Variants in GCDH observed in about 807,000 individuals in gnomAD.
The protein encoded by GCDH is glutaryl-CoA dehydrogenase.
In GCDH, 31 loss-of-function variants were observed where a neutral mutation model predicts 52.8. The ratio of observed to expected loss-of-function variants is 0.59; its 90% CI spans 0.44 to 0.79. The LOEUF (loss-of-function observed/expected upper bound fraction) is 0.79, where lower values mean the gene tolerates loss of function less well. Among genes scored for constraint, GCDH ranks in the 30% least tolerant of loss-of-function variants. The probability of loss-of-function intolerance (pLI) is 0.00; values close to 1 mark genes in which losing one functional copy is unlikely to be tolerated. For synonymous variants in GCDH, 242 were observed against 250.0 expected, an observed-to-expected ratio of 0.97 and a Z score of 0.30; for missense variants, 509 against 595.0, an observed-to-expected ratio of 0.86 and a Z score of 1.50.
intron 10 of GCDH, 115 bp downstream of exon 10, chr19:12,897,543 C>A: frequency 6.9e-7 from 1 of 1,445,058 alleles, no homozygotes; most frequent in Non-Finnish European, 9.7e-7. Flanking sequence ...GAACCTTCTG[C>A]TGTCCCTCTT....
chr19:12,899,991 T>G lies in GCDH; in HGVS notation c.*450T>G, dbSNP rs775491315. 6.2e-7 allele frequency: 1 copy of G among 1,613,010 alleles called. No homozygotes were observed. Among genetic ancestry groups the G allele is most frequent in the Non-Finnish European group, 8.5e-7 (1 of 1,179,958 alleles). ...CTGACCCCAAGGTGTCAGGCCGGTT[T>G]ACTGGTAACCACCTGAGAAGTAGTT... On this transcript the variant is annotated 3_prime_UTR_variant, in exon 12 of 12. Coordinates refer to ENST00000222214, the MANE Select transcript of GCDH (RefSeq NM_000159.4).
chr19:12,894,349 G>A, intron 6 of GCDH: 2 of 768,974 alleles, frequency 2.6e-6, no homozygotes, highest in Non-Finnish European at 2.4e-6. Context: ...CCATGGCCGT[G>A]TCCACTTGCT....
intron 11 of GCDH, chr19:12,898,120 G>C: frequency 1.9e-6 from 1 of 519,280 alleles, no homozygotes. Context: ...ACATGCTCGG[G>C]AGGAGGGATG....
chr19:12,894,302 A>G (rs890238426), intron 6 of GCDH: 1 of 819,032 alleles, frequency 1.2e-6, no homozygotes, highest in Middle Eastern at 2.2e-4. Context: ...GGTGGGAACA[A>G]TAAACAAGGT....
chr19:12,896,364 C>T lies in GCDH; in HGVS notation c.795C>T (p.Ile265=), dbSNP rs773979530. 4 of 1,614,134 alleles carry T rather than the reference C, an allele frequency of 2.5e-6. No homozygotes were observed. In the South Asian group the frequency reaches 3.3e-5, roughly 13 times the overall value. ...SLRASATGMI[I]MDGVEVPEEN... ...GGGCCTCAGCCACAGGCATGATCATCATGGACGGTGTGGAGGTGCCAGAGG... is the reference window on the plus strand; with the variant it reads ...GGGCCTCAGCCACAGGCATGATCATTATGGACGGTGTGGAGGTGCCAGAGG... The change falls in exon 8 of 12, where the codon ATC becomes ATT. Residue 265 remains isoleucine, a synonymous_variant. Coordinates refer to ENST00000222214, the MANE Select transcript of GCDH (RefSeq NM_000159.4). This position sits in a 1 kb window ranked among gnomAD's most constrained non-coding sequence, Gnocchi z 5.5.
rs1403429553 is a variant in GCDH, at chr19:12,891,841, C to G, written c.138C>G (p.Pro46=). 4.3e-6 allele frequency: 7 copies of G among 1,614,072 alleles called. No homozygotes were observed. The highest frequency in any genetic ancestry group is 2.2e-5 in the East Asian group (1 of 44,868). ...TQSQLAKSSR[P]EFDWQDPLVL... is the part of the protein sequence containing the mutation. ...AATTCCCCTTCCCAGCCTCGCGTCCCGAGTTTGACTGGCAGGACCCGCTGG... is the reference window on the plus strand; with the variant it reads ...AATTCCCCTTCCCAGCCTCGCGTCCGGAGTTTGACTGGCAGGACCCGCTGG... The change falls in exon 4 of 12, where the codon CCC becomes CCG. Residue 46 remains proline (P), a synonymous_variant. Transcript: ENST00000222214.
Position 12,891,255 on chromosome 19 carries a change from A to T in GCDH, c.-34-16A>T, listed in dbSNP as rs769428633. The T allele has an allele frequency of 5.3e-6, 8 of 1,497,744 alleles. No homozygotes were observed. In the East Asian group the frequency reaches 9.1e-5, roughly 17 times the overall value. The allele number at this position is 1,497,744 out of a possible 1,614,324, so 92.8% of individuals were successfully genotyped here. A position where few individuals can be genotyped will look rare whatever the true frequency, so the allele number is the denominator to read the frequency against. On this transcript the variant is annotated splice_polypyrimidine_tract_variant and intron_variant, in intron 1 of 11. Coordinates refer to ENST00000222214, the MANE Select transcript of GCDH (RefSeq NM_000159.4). ...TGGGTGAGAGGAGCTCCGCTCTGACACCCCCGCTCCTGTAGGTCGCCGTCG... is the reference window on the plus strand; with the variant it reads ...TGGGTGAGAGGAGCTCCGCTCTGACTCCCCCGCTCCTGTAGGTCGCCGTCG...
Position 12,893,362 on chromosome 19 carries a change from T to G in GCDH, c.335-121T>G, listed in dbSNP as rs955797183. ...GCTGTGGAGATGAAATGAATAAACC[T>G]CAGCTAGGGCCAGCTTGGTGCCTGC... On this transcript the variant is annotated intron_variant, in intron 5 of 11. Transcript: ENST00000222214. 8.4e-6 allele frequency: 7 copies of G among 836,926 alleles called. No individual in the cohort carries two copies. In the African/African-American group the frequency reaches 1.0e-4, roughly 12 times the overall value. The allele number at this position is 836,926 out of a possible 1,614,324, so 51.8% of individuals were successfully genotyped here.
chr19:12,893,619 C>T lies in GCDH; in HGVS notation c.471C>T (p.Ser157=), dbSNP rs146682905. ...LVMHPIYAYG[S]EEQRQKYLPQ... ...TGCACCCTATCTATGCCTATGGCAGCGAGGAACAGCGGCAGAAGTACCTGC... is the reference window on the plus strand; with the variant it reads ...TGCACCCTATCTATGCCTATGGCAGTGAGGAACAGCGGCAGAAGTACCTGC... The change falls in exon 6 of 12, where the codon AGC becomes AGT. Residue 157 remains serine (S), a synonymous_variant. Transcript: ENST00000222214. 312 of 1,614,010 alleles carry T rather than the reference C, an allele frequency of 1.9e-4. No homozygotes were observed. The African/African-American group carries it at 2.7e-3, about 14-fold the overall frequency.
intron 6 of GCDH, chr19:12,894,425 A>G (rs1351926865): frequency 2.3e-5 from 17 of 750,324 alleles, no homozygotes; most frequent in South Asian, 1.9e-4. Context: ...AGATCAGTTC[A>G]TGGTTGCATC....
chr19:12,899,047 T>C (rs938134014), intron 11 of GCDH: 4 of 463,172 alleles, frequency 8.6e-6, no homozygotes, highest in Non-Finnish European at 7.9e-6. Flanking sequence ...TCAGGGGTGC[T>C]TTCAGCCTCT....
chr19:12,894,862 T>C, intron 6 of GCDH: 1 of 515,032 alleles, frequency 1.9e-6, no homozygotes, highest in South Asian at 3.5e-5. Context: ...CTTCTAAGTC[T>C]GAATCCAGTC....
intron 11 of GCDH, chr19:12,899,251 A>G: frequency 1.6e-6 from 2 of 1,228,466 alleles, no homozygotes; most frequent in Non-Finnish European, 2.4e-6. Flanking sequence ...TTATAGAACC[A>G]TGAAAAACAA....
chr19:12,892,061 G>A (rs1970572038), intron 4 of GCDH, 55 bp from the exon 5 acceptor site: 2 of 1,612,546 alleles, frequency 1.2e-6, no homozygotes, highest in Admixed American at 3.3e-5. Context: ...CCTTGGGGCT[G>A]GGGCTTCCTG....
chr19:12,896,187 C>T lies in GCDH; in HGVS notation c.636-18C>T, dbSNP rs183109666. The T allele has an allele frequency of 5.0e-5, 81 of 1,614,042 alleles. No individual in the cohort carries two copies. The African/African-American group carries it at 9.2e-4, about 18-fold the overall frequency. ...AAGGGGCACTGGTCAGACCCCTCAC[C>T]GACTGTTCCATCCCCAGGATCACGA... On this transcript the variant is annotated intron_variant, in intron 7 of 11. Coordinates refer to ENST00000222214, the MANE Select transcript of GCDH (RefSeq NM_000159.4). This position sits in a 1 kb window ranked among gnomAD's most constrained non-coding sequence, Gnocchi z 5.5.
At chr19:12,899,140 G>A in intron 11 of GCDH, 1 of 596,618 alleles carries the variant, frequency 1.7e-6, no homozygotes, top group South Asian at 2.0e-5. Flanking sequence ...GCCAAGGGTG[G>A]GGAGCACGAA....
chr19:12,897,453 G>A, intron 10 of GCDH, 25 bp downstream of exon 10: 1 of 1,611,414 alleles, frequency 6.2e-7, no homozygotes, highest in Non-Finnish European at 8.5e-7. Flanking sequence ...GTGGGGGCGG[G>A]GGGATGGCAG....
chr19:12,891,943 G>C lies in GCDH; in HGVS notation c.240G>C (p.Met80Ile), dbSNP rs1970567585. The C allele has an allele frequency of 1.2e-6, 2 of 1,614,234 alleles. No individual in the cohort carries two copies. Among genetic ancestry groups the C allele is most frequent in the Non-Finnish European group, 1.7e-6 (2 of 1,180,040 alleles). The change falls in exon 4 of 12, where the codon ATG (methionine) becomes ATC (isoleucine). Residue 80 changes from methionine to isoleucine, a missense_variant. Coordinates refer to ENST00000222214, the MANE Select transcript of GCDH (RefSeq NM_000159.4). ...TFRTYCQERL[M>I]PRILLANRNE... ...GCACCTACTGCCAGGAGAGACTCATGCCTCGCATCCTGTTGGCCAATCGCA... is the reference window on the plus strand; with the variant it reads ...GCACCTACTGCCAGGAGAGACTCATCCCTCGCATCCTGTTGGCCAATCGCA...
In GCDH at chr19:12,897,882, A is replaced by G. The variant is rs554509323; in HGVS notation, c.1243+19A>G. 1.9e-6 allele frequency: 3 copies of G among 1,607,816 alleles called. No individual in the cohort carries two copies. The South Asian group carries it at 3.3e-5, about 18-fold the overall frequency. ...TACGAAGGTAGGAGCTGGACCTCAG[A>G]GGGCTCACTGAGGCCTCAGTGTCTG... On this transcript the variant is annotated intron_variant, in intron 11 of 11. Coordinates refer to ENST00000222214, the MANE Select transcript of GCDH (RefSeq NM_000159.4).
Sources: gnomAD v4.1 joint callset for allele counts on GRCh38, gnomAD v4.1.1 for gene constraint, Gnocchi (gnomAD v3.1) non-coding constraint, MANE v1.5 for transcripts, NCBI Gene and HGNC (gene_info 2026-07-23, HGNC 2026-07-21) for gene names.